Variants in MUCL1 observed in about 807,000 individuals in gnomAD.
MUCL1 encodes mucin like 1.
Under a neutral mutation model 9.2 loss-of-function variants are expected in MUCL1, and 11 were observed. That is an observed-to-expected ratio of 1.19 (90% CI 0.75 to 1.97). MUCL1 has a LOEUF of 1.97. Among genes scored for constraint, MUCL1 ranks in the 30% most tolerant of loss-of-function variants. MUCL1 has a pLI of 0.00. For synonymous variants in MUCL1, 48 were observed against 40.5 expected, an observed-to-expected ratio of 1.19 and a Z score of -0.71; for missense variants, 144 against 110.9, an observed-to-expected ratio of 1.30 and a Z score of -1.34.
intron 1 of MUCL1, among the ~76,000 whole-genome samples, chr12:54,854,844 C>A (rs866910974): frequency 6.6e-6 from 1 of 152,094 alleles, no homozygotes; most frequent in Non-Finnish European, 1.5e-5. Flanking sequence ...TCAATAATAC[C>A]TTGGAACCCA....
Position 54,858,272 on chromosome 12 carries a change from G to C in MUCL1, c.*30G>C, listed in dbSNP as rs759372635. 19 of 1,612,560 alleles carry C rather than the reference G, an allele frequency of 1.2e-5. No homozygotes were observed. Among genetic ancestry groups the C allele is most frequent in the East Asian group, 4.5e-5 (2 of 44,842 alleles). On this transcript the variant is annotated 3_prime_UTR_variant, in exon 4 of 4. Coordinates refer to ENST00000308796, the MANE Select transcript of MUCL1 (RefSeq NM_058173.3). Reference sequence around the variant, plus strand: ...GAATCAGCTTGAGTCTTCTGCAATTGGTCACAACTATTCATGCTTCCTGTG... The same window carrying C: ...GAATCAGCTTGAGTCTTCTGCAATTCGTCACAACTATTCATGCTTCCTGTG...
At chr12:54,834,957 T>C (rs1959190455), upstream of MUCL1, among the ~76,000 whole-genome samples, 1 of 152,106 alleles carries the variant, frequency 6.6e-6, no homozygotes, top group Non-Finnish European at 1.5e-5. Context: ...TGCCTTTGCA[T>C]ACAGATAGTT....
At chr12:54,845,975 C>G (rs1235892034) in intron 1 of MUCL1, among the ~76,000 whole-genome samples, 1 of 152,150 alleles carries the variant, frequency 6.6e-6, no homozygotes, top group Non-Finnish European at 1.5e-5. Context: ...TGCCTCATCT[C>G]TTTTGTTTCC....
chr12:54,849,416 G>A (rs1959304491), intron 1 of MUCL1, among the ~76,000 whole-genome samples: 1 of 151,884 alleles, frequency 6.6e-6, no homozygotes, highest in Admixed American at 6.6e-5. Flanking sequence ...CCCATCTAGA[G>A]ACTTTTACTT....
At chr12:54,854,498 AT>A (rs1868284336), upstream of MUCL1, 5 of 1,040,230 alleles carry the variant, frequency 4.8e-6, no homozygotes, top group South Asian at 7.0e-5. Flanking sequence ...TATTGTCAGG[AT>A]GTGGAATCCT....
intron 1 of MUCL1, among the ~76,000 whole-genome samples, chr12:54,840,964 T>TA (rs1243390288): frequency 2.0e-5 from 3 of 152,202 alleles, no homozygotes; most frequent in Non-Finnish European, 4.4e-5. Context: ...TGAAACTGTA[T>TA]AATTTGACCA....
At chr12:54,837,242 T>A (rs1959194261), upstream of MUCL1, among the ~76,000 whole-genome samples, 2 of 152,182 alleles carry the variant, frequency 1.3e-5, no homozygotes, top group Admixed American at 1.3e-4. Context: ...GTAGTAATTG[T>A]TTTATGAATC....
intron 1 of MUCL1, among the ~76,000 whole-genome samples, chr12:54,849,436 T>A (rs1236624778): frequency 2.0e-5 from 3 of 152,148 alleles, no homozygotes; most frequent in Admixed American, 6.5e-5. Flanking sequence ...TTCTTATGTA[T>A]ACTTCTATTT....
chr12:54,839,069 T>G (rs1262641289), upstream of MUCL1, among the ~76,000 whole-genome samples: 1 of 152,154 alleles, frequency 6.6e-6, no homozygotes, highest in Non-Finnish European at 1.5e-5. Flanking sequence ...CTAATTATTT[T>G]TAAATTTATT....
Position 54,855,254 on chromosome 12 carries a change from T to C in MUCL1, c.100+97T>C, listed in dbSNP as rs142856153. 195 of 1,086,556 alleles carry C rather than the reference T, an allele frequency of 1.8e-4. 1 individual carries two copies. Among genetic ancestry groups the C allele is most frequent in the Admixed American group, 6.5e-4 (35 of 53,966 alleles). 67.3% of individuals were successfully genotyped at this position (1,086,556 alleles called of 1,614,324 possible). ...CCAGTTTCCATGTGGATAGTCTTTG[T>C]TATAAGGAATCCTAAGCAAAAGTCT... On this transcript the variant is annotated intron_variant, in intron 2 of 3. Coordinates refer to ENST00000308796, the MANE Select transcript of MUCL1 (RefSeq NM_058173.3).
At chr12:54,849,936 A>G (rs1227218166), upstream of MUCL1, among the ~76,000 whole-genome samples, 1 of 152,172 alleles carries the variant, frequency 6.6e-6, no homozygotes, top group Non-Finnish European at 1.5e-5. Flanking sequence ...CTGAGCCTTC[A>G]TGTCCTCTGC....
At chr12:54,836,149 G>A (rs1208733711), upstream of MUCL1, among the ~76,000 whole-genome samples, 1 of 152,176 alleles carries the variant, frequency 6.6e-6, no homozygotes, top group African/African-American at 2.4e-5. Context: ...AATAGTTTCA[G>A]TAAGATTGCT....
chr12:54,856,905 C>T lies in MUCL1; in HGVS notation c.223+13C>T, dbSNP rs781431223. ...AAAGACATTCCAGGTAGCAAGACTC[C>T]TCCATCTGTGTGCTTCCTTTATGTG... On this transcript the variant is annotated intron_variant, in intron 3 of 3. Transcript: ENST00000308796. 8.1e-6 allele frequency: 13 copies of T among 1,613,458 alleles called. No homozygotes were observed. In the Admixed American group the frequency reaches 1.8e-4, roughly 23 times the overall value.
intron 1 of MUCL1, among the ~76,000 whole-genome samples, chr12:54,831,976 C>G (rs1041594122): frequency 6.6e-6 from 1 of 151,962 alleles, no homozygotes; most frequent in Non-Finnish European, 1.5e-5. Context: ...AATTCTTCAT[C>G]AAAAGTTTTC....
chr12:54,854,423 C>G, upstream of MUCL1: 1 of 581,422 alleles, frequency 1.7e-6, no homozygotes, highest in South Asian at 2.3e-5. Context: ...TGTGTCCCAA[C>G]GTTTCCTGGC....
intron 1 of MUCL1, among the ~76,000 whole-genome samples, chr12:54,845,280 A>G (rs1169111159): frequency 1.3e-5 from 2 of 152,162 alleles, no homozygotes; most frequent in Admixed American, 6.5e-5. Context: ...AGTCAATGCT[A>G]TAGCACCAGC....
chr12:54,841,163 G>A (rs574021841), intron 1 of MUCL1, among the ~76,000 whole-genome samples: 1 of 152,272 alleles, frequency 6.6e-6, no homozygotes, highest in East Asian at 1.9e-4. Flanking sequence ...AAATGGAAGG[G>A]CTTCCTTCTT....
chr12:54,839,762 A>T (rs1003108303), intron 1 of MUCL1, among the ~76,000 whole-genome samples: 1 of 152,122 alleles, frequency 6.6e-6, no homozygotes. Context: ...AGTCACCCTG[A>T]AGTGTTCCAG....
chr12:54,851,011 G>A (rs551806913), upstream of MUCL1, among the ~76,000 whole-genome samples: 1 of 152,138 alleles, frequency 6.6e-6, no homozygotes, highest in East Asian at 1.9e-4. Flanking sequence ...GGGGTTGTTT[G>A]TTTTTTTCTT....
Sources: gnomAD v4.1 joint callset for allele counts (sites outside exome capture counted in the v4.1 genomes callset) on GRCh38, gnomAD v4.1.1 for gene constraint, MANE v1.5 for transcripts, NCBI Gene and HGNC (gene_info 2026-07-23, HGNC 2026-07-21) for gene names.